Variants in TMTC2 observed in about 807,000 individuals in gnomAD.
TMTC2 encodes the protein protein O-mannosyl-transferase TMTC2.
A neutral mutation model predicts 82.4 loss-of-function variants in TMTC2; 43 were observed. The observed-to-expected ratio is 0.52, with a 90% CI of 0.41 to 0.67. The LOEUF is 0.67. Ranked by LOEUF, TMTC2 falls within the 30% of genes least tolerant of loss-of-function variation. The probability of loss-of-function intolerance (pLI) is 0.00; values close to 1 mark genes in which losing one functional copy is unlikely to be tolerated. For missense variants in TMTC2, 919 were observed against 1,012.4 expected (o/e 0.91, Z 1.25); for synonymous variants, 408 against 381.9 (o/e 1.07, Z -0.80).
intron 11 of TMTC2, among the ~76,000 whole-genome samples, chr12:83,112,800 T>C (rs568409191): frequency 6.6e-6 from 1 of 152,278 alleles, no homozygotes; most frequent in South Asian, 2.1e-4. Context: ...TTTAGTATAG[T>C]CAAATATTTG....
In TMTC2 at chr12:82,728,829, C is replaced by T. The variant is rs1874600541; in HGVS notation, c.83+41160C>T. Among the ~76,000 whole-genome samples the T allele has an allele frequency of 2.0e-5, 3 of 152,218 alleles. 1 individual carries two copies. The South Asian group carries it at 6.2e-4, about 31-fold the overall frequency. ...AGTGCTTGCAGGCCAGCGCGAGTTC[C>T]AGGTGGGCATGGGCTCGGCGGCCCT... On this transcript the variant is annotated intron_variant, in intron 1 of 11. Coordinates refer to ENST00000321196, the MANE Select transcript of TMTC2 (RefSeq NM_152588.3).
chr12:82,937,367 ATGT>A (rs1027479422), intron 4 of TMTC2, among the ~76,000 whole-genome samples: 5 of 151,974 alleles, frequency 3.3e-5, no homozygotes, highest in African/African-American at 1.2e-4. Flanking sequence ...TTGTCACATG[ATGT>A]TGTCCTGTGT....
At chr12:82,718,044 GC>G (rs1316379405) in intron 1 of TMTC2, among the ~76,000 whole-genome samples, 2 of 152,108 alleles carry the variant, frequency 1.3e-5, no homozygotes, top group Non-Finnish European at 2.9e-5. Context: ...ACCCATTTAT[GC>G]CTGGTGTTCC....
In TMTC2 at chr12:83,042,624, C is replaced by T. The variant is rs148765864; in HGVS notation, c.2153-8280C>T. Among the ~76,000 whole-genome samples the T allele has an allele frequency of 6.8e-3, 1,038 of 152,232 alleles. 11 individuals are homozygous for T. Among genetic ancestry groups the T allele is most frequent in the South Asian group, 0.036 (172 of 4,824 alleles). ...CTTCTCGCCTCCTCCCCAGTCTCCC[C>T]GCTTCTTCTTAGCCGGCAGAAATTC... On this transcript the variant is annotated intron_variant, in intron 9 of 11. Transcript: ENST00000321196.
At chr12:82,831,695 A>T (rs918451297) in intron 1 of TMTC2, among the ~76,000 whole-genome samples, 1 of 152,068 alleles carries the variant, frequency 6.6e-6, no homozygotes, top group East Asian at 1.9e-4. Flanking sequence ...GTGGTGTTTT[A>T]AAAAAGAGCT....
At chr12:82,790,493 G>A (rs926275222) in intron 1 of TMTC2, among the ~76,000 whole-genome samples, 1 of 151,982 alleles carries the variant, frequency 6.6e-6, no homozygotes, top group Non-Finnish European at 1.5e-5. Context: ...GATTTTCCTG[G>A]GAAGAAGTAA....
chr12:82,937,516 G>A (rs2137254538), intron 4 of TMTC2, among the ~76,000 whole-genome samples: 1 of 151,558 alleles, frequency 6.6e-6, no homozygotes, highest in African/African-American at 2.4e-5. Flanking sequence ...GGAGGTTTAG[G>A]ACTTCAACAT....
At chr12:83,044,927 C>A (rs1041259229) in intron 9 of TMTC2, among the ~76,000 whole-genome samples, 13 of 152,178 alleles carry the variant, frequency 8.5e-5, no homozygotes, top group African/African-American at 1.2e-4. Flanking sequence ...GGATTTGAGC[C>A]TATGGCTTAA....
rs760845344 is a variant in TMTC2, at chr12:82,965,093, C to T, written c.1668C>T (p.Ser556=). The change falls in exon 5 of 12, where the codon AGC becomes AGT. Residue 556 remains serine, a synonymous_variant. Coordinates refer to ENST00000321196, the MANE Select transcript of TMTC2 (RefSeq NM_152588.3). ...ATTATTATAAATTGGCCATTGGGAG[C>T]AGGCCTACCCTGGCTTGTAAGTAAT... ...ALHYYKLAIG[S]RPTLASAYLN... is the part of the protein sequence containing the mutation. The T allele has an allele frequency of 1.9e-6, 3 of 1,611,162 alleles. No homozygotes were observed. Among genetic ancestry groups the T allele is most frequent in the Admixed American group, 3.3e-5 (2 of 59,836 alleles).
chr12:82,936,762 A>G (rs988361642), intron 4 of TMTC2, among the ~76,000 whole-genome samples: 2 of 152,188 alleles, frequency 1.3e-5, no homozygotes, highest in African/African-American at 2.4e-5. Flanking sequence ...AAAAGTTAGT[A>G]GTAATTACTA....
intron 4 of TMTC2, among the ~76,000 whole-genome samples, chr12:82,947,051 A>G (rs1479892708): frequency 1.3e-5 from 2 of 152,022 alleles, no homozygotes; most frequent in African/African-American, 4.8e-5. Context: ...CCAGGCATGC[A>G]CTTTCTTTAA....
intron 2 of TMTC2, among the ~76,000 whole-genome samples, chr12:82,885,991 C>T (rs1873079669): frequency 6.6e-6 from 1 of 152,088 alleles, no homozygotes; most frequent in Non-Finnish European, 1.5e-5. Context: ...AGATTTGTTT[C>T]TTCTCTCATT....
chr12:82,915,126 T>TA (rs750462109), intron 3 of TMTC2, among the ~76,000 whole-genome samples: 15 of 152,074 alleles, frequency 9.9e-5, no homozygotes, highest in Non-Finnish European at 2.1e-4. Context: ...TGCTCGGCCT[T>TA]ACAATTCTTT....
chr12:83,036,791 G>C (rs1008163001), intron 9 of TMTC2, among the ~76,000 whole-genome samples: 65 of 152,094 alleles, frequency 4.3e-4, no homozygotes, highest in African/African-American at 1.4e-3. Context: ...CTGCAGGCTG[G>C]AAAATTCAAG....
At chr12:83,045,036 G>C (rs779860203) in intron 9 of TMTC2, among the ~76,000 whole-genome samples, 22 of 152,178 alleles carry the variant, frequency 1.4e-4, no homozygotes, top group Admixed American at 2.6e-4. Context: ...ATATTGAAAT[G>C]TTGGTAAAAA....
chr12:82,738,638 CT>C (rs956031558), intron 1 of TMTC2, among the ~76,000 whole-genome samples: 1 of 152,010 alleles, frequency 6.6e-6, no homozygotes, highest in African/African-American at 2.4e-5. Flanking sequence ...TGTCTTTGAA[CT>C]AGTAAGAAAA....
intron 11 of TMTC2, among the ~76,000 whole-genome samples, chr12:83,116,055 T>C (rs1052303522): frequency 6.6e-6 from 1 of 152,128 alleles, no homozygotes; most frequent in Non-Finnish European, 1.5e-5. Context: ...CTATTTATAA[T>C]CTTTTATCCT....
At chr12:82,873,213 T>TTG (rs35177760) in intron 2 of TMTC2, among the ~76,000 whole-genome samples, 6,037 of 143,588 alleles carry the variant, frequency 0.042, 232 homozygotes, top group African/African-American at 0.11. Context: ...TTCAAAGATG[T>TTG]TGTGTGTGTG....
At chr12:82,715,201 T>C (rs11615765) in intron 1 of TMTC2, among the ~76,000 whole-genome samples, 15,439 of 148,550 alleles carry the variant, frequency 0.1, 912 homozygotes, top group East Asian at 0.24. Flanking sequence ...ACCCGAGAGG[T>C]GGAGGTTGCA....
Sources: gnomAD v4.1 joint callset for allele counts (sites outside exome capture counted in the v4.1 genomes callset) on GRCh38, gnomAD v4.1.1 for gene constraint, MANE v1.5 for transcripts, NCBI Gene and HGNC (gene_info 2026-07-23, HGNC 2026-07-21) for gene names.